ATP7A: variants seen among roughly 807,000 people sequenced by gnomAD.
ATP7A encodes the protein copper-transporting ATPase 1.
ATP7A carries 7 observed loss-of-function variants against 83.5 expected under a neutral mutation model. The observed-to-expected ratio is 0.08, with a 90% CI of 0.05 to 0.16. The LOEUF is 0.16. ATP7A is among the 10% of genes least tolerant of loss of function. The pLI is 1.00. For synonymous variants in ATP7A, 354 were observed against 395.2 expected, an observed-to-expected ratio of 0.90 and a Z score of 1.24; for missense variants, 940 against 1,120.8, an observed-to-expected ratio of 0.84 and a Z score of 2.30.
intron 1 of ATP7A, among the ~76,000 whole-genome samples, chrX:77,946,965 G>A (rs1340707363): frequency 1.8e-5 from 2 of 111,843 alleles, no homozygotes; most frequent in African/African-American, 6.5e-5. Context: ...AGTGTTCATT[G>A]CAGCATTATT....
chrX:78,012,819 G>T, intron 9 of ATP7A, 60 bp from the exon 10 acceptor site: 1 of 971,495 alleles, frequency 1.0e-6, no homozygotes, highest in Non-Finnish European at 1.5e-6. Context: ...AAGTTATTGA[G>T]ATATATATGT....
At chrX:77,914,899 A>T (rs1334369125) in intron 1 of ATP7A, among the ~76,000 whole-genome samples, 1 of 112,195 alleles carries the variant, frequency 8.9e-6, no homozygotes, top group Non-Finnish European at 1.9e-5. Flanking sequence ...TCATCTTGAC[A>T]GTAATATCTT....
intron 1 of ATP7A, among the ~76,000 whole-genome samples, chrX:77,952,759 T>C (rs1181989706): frequency 9.0e-6 from 1 of 110,605 alleles, no homozygotes; most frequent in Non-Finnish European, 1.9e-5. Context: ...CAAGTTATGA[T>C]AAATATAAAA....
chrX:77,954,148 T>C (rs1557227082), intron 1 of ATP7A, among the ~76,000 whole-genome samples: 7 of 111,724 alleles, frequency 6.3e-5, no homozygotes, highest in Non-Finnish European at 1.3e-4. Context: ...TTTATTTTAT[T>C]TTTTTTCCTG....
At chrX:77,957,234 T>A (rs945448586) in intron 1 of ATP7A, among the ~76,000 whole-genome samples, 25 of 111,466 alleles carry the variant, frequency 2.2e-4, no homozygotes, top group African/African-American at 7.8e-4. Flanking sequence ...TTTAAAAAAA[T>A]TTATTATTAT....
intron 7 of ATP7A, among the ~76,000 whole-genome samples, chrX:78,010,175 A>G (rs1213046956): frequency 2.7e-5 from 3 of 112,295 alleles, no homozygotes; most frequent in Admixed American, 9.5e-5. Context: ...CAAGATTGCA[A>G]AGCTTCAACC....
At chrX:77,926,226 C>T (rs2077240486) in intron 1 of ATP7A, among the ~76,000 whole-genome samples, 1 of 112,162 alleles carries the variant, frequency 8.9e-6, no homozygotes, top group Admixed American at 9.5e-5. Context: ...CTGATGCATG[C>T]ATCCTACAAA....
intron 6 of ATP7A, among the ~76,000 whole-genome samples, chrX:78,006,770 G>A (rs781955390): frequency 3.6e-5 from 4 of 111,761 alleles, no homozygotes; most frequent in South Asian, 3.7e-4. Flanking sequence ...CTTTGTAACC[G>A]GCTTCTTTTA....
chrX:78,010,229 G>A (rs1373708058), intron 7 of ATP7A, among the ~76,000 whole-genome samples: 2 of 111,974 alleles, frequency 1.8e-5, no homozygotes, highest in African/African-American at 6.5e-5. Flanking sequence ...TTGGAGGTGA[G>A]GAAACCCAGG....
At position 78,047,678 on chromosome X, in the gene ATP7A, C is replaced by G. The variant is rs372906169; in HGVS notation, c.*1108C>G. 4.5e-5 allele frequency: 5 copies of G among 110,856 alleles called. No homozygotes were observed. The highest frequency in any genetic ancestry group is 2.8e-4 in the East Asian group (1 of 3,554). The allele number at this position is 110,856 out of a possible 1,213,427, so 9.1% of individuals were successfully genotyped here. On this transcript the variant is annotated 3_prime_UTR_variant, in exon 23 of 23. Coordinates refer to ENST00000341514, the MANE Select transcript of ATP7A (RefSeq NM_000052.7). ...CTGCCTACCGGATTCAAGGAATTCT[C>G]CCTGCCTCAGCCTCCTGAGTAGCTA...
chrX:77,943,378 C>T (rs1389807842), intron 1 of ATP7A, among the ~76,000 whole-genome samples: 1 of 111,455 alleles, frequency 9.0e-6, no homozygotes, highest in Non-Finnish European at 1.9e-5. Flanking sequence ...GCAGTTTCCT[C>T]TTTGTTATCT....
chrX:78,033,583 T>G, intron 16 of ATP7A, 22 bp from the exon 17 acceptor site: 1 of 1,194,095 alleles, frequency 8.4e-7, no homozygotes, highest in Non-Finnish European at 1.1e-6. Flanking sequence ...GTAGAGGAAA[T>G]CCTTTTGTTT....
At chrX:78,003,276 A>G (rs782629001) in intron 6 of ATP7A, 40 bp downstream of exon 6, 1 of 1,158,280 alleles carries the variant, frequency 8.6e-7, no homozygotes, top group African/African-American at 1.8e-5. Context: ...AACTTCCAGA[A>G]AAAAAACTTG....
chrX:77,952,454 T>C (rs1412559219), intron 1 of ATP7A, among the ~76,000 whole-genome samples: 1 of 112,058 alleles, frequency 8.9e-6, no homozygotes, highest in Non-Finnish European at 1.9e-5. Context: ...CCTGATGACG[T>C]ATGATGTGGG....
chrX:77,971,504 A>T, intron 1 of ATP7A, 117 bp from the exon 2 acceptor site: 1 of 749,759 alleles, frequency 1.3e-6, no homozygotes, highest in Non-Finnish European at 2.0e-6. Context: ...TTAATTTTTT[A>T]AACATGACAC....
chrX:77,931,013 T>TC (rs2077270324), intron 1 of ATP7A, among the ~76,000 whole-genome samples: 1 of 96,550 alleles, frequency 1.0e-5, no homozygotes, highest in Non-Finnish European at 2.1e-5. Context: ...TTTTACCTTT[T>TC]TTTTTATTTT....
rs782044882 is a variant in ATP7A, at chrX:77,970,217, G to A, written c.-21-1404G>A. ...TATGAACCTCTCCATAAGGCTGCTT[G>A]TATGTCTTCATACTTGGTAGGTGGC... On this transcript the variant is annotated intron_variant, in intron 1 of 22. Transcript: ENST00000341514. 7.2e-5 allele frequency among the ~76,000 whole-genome samples: 8 copies of A among 111,824 alleles called. No individual in the cohort carries two copies. The South Asian group carries it at 3.0e-3, about 42-fold the overall frequency.
intron 16 of ATP7A, among the ~76,000 whole-genome samples, chrX:78,033,205 A>G (rs1347033118): frequency 8.9e-6 from 1 of 111,959 alleles, no homozygotes; most frequent in Non-Finnish European, 1.9e-5. Flanking sequence ...CCTGAGTTCA[A>G]GTGATTCTCC....
chrX:78,013,786 C>A (rs2077842846), intron 10 of ATP7A, among the ~76,000 whole-genome samples: 2 of 111,683 alleles, frequency 1.8e-5, no homozygotes, highest in Non-Finnish European at 3.8e-5. Context: ...ATAAATATTT[C>A]TCTGGTTCAT....
Sources: gnomAD v4.1 joint callset for allele counts (sites outside exome capture counted in the v4.1 genomes callset) on GRCh38, gnomAD v4.1.1 for gene constraint, MANE v1.5 for transcripts, NCBI Gene and HGNC (gene_info 2026-07-23, HGNC 2026-07-21) for gene names.